The following PMEPA1 variants were observed in gnomAD, a reference collection of about 807,000 sequenced individuals.
PMEPA1 encodes the protein prostate transmembrane protein, androgen induced 1, also known as protein TMEPAI.
In PMEPA1, 11 loss-of-function variants were observed where a neutral mutation model predicts 23.0. The observed-to-expected ratio is 0.48, with a 90% CI of 0.30 to 0.79. The LOEUF (loss-of-function observed/expected upper bound fraction) is 0.79. PMEPA1 is among the 30% of genes least tolerant of loss of function. The probability of loss-of-function intolerance (pLI) is 0.06; values close to 1 mark genes in which losing one functional copy is unlikely to be tolerated. For missense variants in PMEPA1, 377 were observed against 390.9 expected (o/e 0.96, Z 0.30); for synonymous variants, 204 against 166.4 (o/e 1.23, Z -1.74).
intron 1 of PMEPA1, among the ~76,000 whole-genome samples, chr20:57,701,657 C>T (rs1019757508): frequency 1.3e-5 from 2 of 152,148 alleles, no homozygotes; most frequent in African/African-American, 4.8e-5. Context: ...AGGTGCTTTT[C>T]AGGTAACGGT....
intron 1 of PMEPA1, among the ~76,000 whole-genome samples, chr20:57,685,392 T>C (rs895932420): frequency 6.6e-6 from 1 of 152,170 alleles, no homozygotes; most frequent in African/African-American, 2.4e-5. Context: ...CCTTGTCAGA[T>C]CTCTCTCCCC....
chr20:57,652,115 G>C lies in PMEPA1; in HGVS notation c.802C>G (p.Pro268Ala). The change falls in exon 4 of 4, where the codon CCC (proline) becomes GCC (alanine). Residue 268 changes from proline to alanine, a missense_variant. By Grantham distance (27) the Pro-to-Ala change is conservative. This residue lies in a region of PMEPA1 where 176 missense variants were observed against 173.0 expected (regional missense o/e 1.02). Transcript: ENST00000341744. The surrounding 1 kb of genome is among the most constrained non-coding windows in gnomAD (Gnocchi z 6.1). ...CTCCAGATGGCTGCGCTCTCTAGGG[G>C]CGCGATGTGTGTGTGGTGGAGCCGG... ...GTRLHHTHIA[P>A]LESAAIWSKE... is the part of the protein sequence containing the mutation. 1 of 1,583,720 alleles carries C rather than the reference G, an allele frequency of 6.3e-7. No individual in the cohort carries two copies. Among genetic ancestry groups the C allele is most frequent in the African/African-American group, 1.3e-5 (1 of 74,510 alleles).
In PMEPA1 at chr20:57,671,092, A is replaced by C. The variant is rs578130641; in HGVS notation, c.110-11395T>G. The stretch of plus-strand genomic sequence containing the variant: ...ATACTCCTCCAATGAGAAAAGACAA[A>C]GCTGTGCCTTTTATCCTTCTTGCTA... On this transcript the variant is annotated intron_variant, in intron 1 of 3. Coordinates refer to ENST00000341744, the MANE Select transcript of PMEPA1 (RefSeq NM_020182.5). Among the ~76,000 whole-genome samples, 179 of 152,338 alleles carry C rather than the reference A, an allele frequency of 1.2e-3. 1 individual carries two copies. Among genetic ancestry groups the C allele is most frequent in the African/African-American group, 4.1e-3 (172 of 41,578 alleles).
At chr20:57,654,712 G>A (rs908578147) in intron 2 of PMEPA1, among the ~76,000 whole-genome samples, 1 of 152,126 alleles carries the variant, frequency 6.6e-6, no homozygotes, top group Admixed American at 6.5e-5. Flanking sequence ...CTAGTGGACA[G>A]CAAAGTCCTA....
chr20:57,695,538 G>A (rs575271401), intron 1 of PMEPA1, among the ~76,000 whole-genome samples: 13 of 152,358 alleles, frequency 8.5e-5, no homozygotes, highest in African/African-American at 2.9e-4. Flanking sequence ...AGCGGCTCAC[G>A]CCTGTAATCT....
chr20:57,709,179 C>T (rs2072128634), intron 1 of PMEPA1, among the ~76,000 whole-genome samples: 1 of 151,488 alleles, frequency 6.6e-6, no homozygotes, highest in South Asian at 2.1e-4. Flanking sequence ...ACGGATCCGC[C>T]CGCCCCAACC....
chr20:57,710,657 C>G (rs2072168116), upstream of PMEPA1: 11 of 542,280 alleles, frequency 2.0e-5, 1 homozygote, highest in South Asian at 3.0e-4. Flanking sequence ...CCGCCCCAGC[C>G]GGCGGGACCT....
At chr20:57,653,769 C>T (rs1442637747) in intron 2 of PMEPA1, among the ~76,000 whole-genome samples, 1 of 152,222 alleles carries the variant, frequency 6.6e-6, no homozygotes, top group Non-Finnish European at 1.5e-5. Flanking sequence ...TGTCCACTTT[C>T]AGTTCCAGCG....
At chr20:57,672,991 T>C (rs2071589873) in intron 1 of PMEPA1, among the ~76,000 whole-genome samples, 1 of 152,160 alleles carries the variant, frequency 6.6e-6, no homozygotes, top group South Asian at 2.1e-4. Context: ...TAAAGTACAA[T>C]GAACGGCACC....
intron 1 of PMEPA1, among the ~76,000 whole-genome samples, chr20:57,706,562 A>G (rs1212242603): frequency 6.6e-6 from 1 of 152,096 alleles, no homozygotes; most frequent in East Asian, 1.9e-4. Flanking sequence ...GGGCCCCAGG[A>G]GTGTCCTGTT....
intron 2 of PMEPA1, among the ~76,000 whole-genome samples, chr20:57,657,379 G>A (rs750852397): frequency 3.0e-4 from 46 of 152,182 alleles, no homozygotes; most frequent in Non-Finnish European, 4.3e-4. Context: ...TCTTCACACC[G>A]GCAGTGACAA....
intron 1 of PMEPA1, among the ~76,000 whole-genome samples, chr20:57,705,382 C>T (rs140915321): frequency 2.0e-4 from 30 of 152,324 alleles, no homozygotes; most frequent in Middle Eastern, 3.4e-3. Context: ...CAACCTAAAA[C>T]CCAGACAGTC....
intron 1 of PMEPA1, among the ~76,000 whole-genome samples, chr20:57,694,608 G>A (rs534285102): frequency 3.9e-5 from 6 of 152,204 alleles, no homozygotes; most frequent in African/African-American, 7.2e-5. Context: ...GGCCAATTAC[G>A]AGTCATGCAC....
chr20:57,707,950 C>T (rs1347788761), intron 1 of PMEPA1, among the ~76,000 whole-genome samples: 1 of 152,244 alleles, frequency 6.6e-6, no homozygotes, highest in Non-Finnish European at 1.5e-5. Flanking sequence ...CAAACGCTGG[C>T]TCTGGGCAGG....
At chr20:57,660,811 T>A (rs1415179471) in intron 1 of PMEPA1, among the ~76,000 whole-genome samples, 1 of 147,278 alleles carries the variant, frequency 6.8e-6, no homozygotes, top group Non-Finnish European at 1.5e-5. Flanking sequence ...CAACACTACA[T>A]ACTCCAACAC....
At chr20:57,701,296 C>G (rs2072008166) in intron 1 of PMEPA1, among the ~76,000 whole-genome samples, 1 of 152,164 alleles carries the variant, frequency 6.6e-6, no homozygotes, top group African/African-American at 2.4e-5. Context: ...ATCTCAACAT[C>G]ACCTCTGAGC....
At chr20:57,708,402 G>A (rs2072117003) in intron 1 of PMEPA1, among the ~76,000 whole-genome samples, 1 of 152,340 alleles carries the variant, frequency 6.6e-6, no homozygotes, top group South Asian at 2.1e-4. Flanking sequence ...GGGAGGTAGT[G>A]GTTCAATTCT....
At position 57,655,771 on chromosome 20, in the gene PMEPA1, C is replaced by T. The variant is rs2071318239; in HGVS notation, c.265-2685G>A. Among the ~76,000 whole-genome samples, 1 of 152,228 alleles carries T rather than the reference C, an allele frequency of 6.6e-6. No homozygotes were observed. Among genetic ancestry groups the T allele is most frequent in the Non-Finnish European group, 1.5e-5 (1 of 68,042 alleles). ...AGTGGGCGCACCCAGTCCACCTGCG[C>T]CTTCCCCATTTAGATGCTTCTAGAC... On this transcript the variant is annotated intron_variant, in intron 2 of 3. Coordinates refer to ENST00000341744, the MANE Select transcript of PMEPA1 (RefSeq NM_020182.5). The surrounding 1 kb of genome is among the most constrained non-coding windows in gnomAD (Gnocchi z 4.2).
At chr20:57,658,943 G>T (rs1464875953) in intron 2 of PMEPA1, among the ~76,000 whole-genome samples, 7 of 152,224 alleles carry the variant, frequency 4.6e-5, no homozygotes, top group African/African-American at 1.7e-4. Flanking sequence ...TCAGGCCTCT[G>T]TGTGGACCCA....
Sources: allele counts gnomAD v4.1 joint callset (sites outside exome capture counted in the v4.1 genomes callset), GRCh38; gene constraint gnomAD v4.1.1; regional missense constraint gnomAD v4.1.1; non-coding constraint Gnocchi (gnomAD v3.1); transcripts MANE v1.5; gene names NCBI Gene and HGNC (gene_info 2026-07-23, HGNC 2026-07-21).